The following RASGRF2 variants were observed in gnomAD, a reference collection of about 807,000 sequenced individuals.
The protein encoded by RASGRF2 is Ras protein specific guanine nucleotide releasing factor 2.
In RASGRF2, 76 loss-of-function variants were observed where a neutral mutation model predicts 151.0. The observed-to-expected ratio is 0.50, with a 90% CI of 0.42 to 0.61. The LOEUF (loss-of-function observed/expected upper bound fraction) is 0.61. RASGRF2 is among the 20% of genes least tolerant of loss of function. The pLI is 0.00. For missense variants in RASGRF2, 1,148 were observed against 1,564.6 expected, an observed-to-expected ratio of 0.73 and a Z score of 4.49; for synonymous variants, 504 against 566.5, an observed-to-expected ratio of 0.89 and a Z score of 1.57.
intron 17 of RASGRF2, among the ~76,000 whole-genome samples, chr5:81,177,806 A>G (rs1262008305): frequency 6.6e-6 from 1 of 152,288 alleles, no homozygotes; most frequent in African/African-American, 2.4e-5. Context: ...GCTTTCACTA[A>G]GTGAAAAGAG....
intron 2 of RASGRF2, among the ~76,000 whole-genome samples, chr5:81,056,675 G>C (rs557933284): frequency 1.3e-5 from 2 of 152,238 alleles, no homozygotes; most frequent in South Asian, 4.1e-4. Context: ...TCAATTCCTG[G>C]ATATCCTTGT....
At chr5:81,057,256 C>T (rs537587634) in intron 2 of RASGRF2, among the ~76,000 whole-genome samples, 12 of 152,250 alleles carry the variant, frequency 7.9e-5, no homozygotes, top group South Asian at 6.2e-4. Context: ...CATGTTTTTG[C>T]GGTGGCTGGT....
At chr5:81,085,940 G>A in intron 8 of RASGRF2, 29 bp downstream of exon 8, 1 of 1,613,664 alleles carries the variant, frequency 6.2e-7, no homozygotes, top group Non-Finnish European at 8.5e-7. Flanking sequence ...ACAAAGGCTT[G>A]GGAGAGGAAA....
At position 80,961,035 on chromosome 5, in the gene RASGRF2, C is replaced by A; in HGVS notation, c.288+9C>A. The A allele has an allele frequency of 1.4e-6, 2 of 1,449,326 alleles. No homozygotes were observed. Among genetic ancestry groups the A allele is most frequent in the Non-Finnish European group, 1.8e-6 (2 of 1,095,630 alleles). 89.8% of individuals were successfully genotyped at this position (1,449,326 alleles called of 1,614,324 possible). A position where few individuals can be genotyped will look rare whatever the true frequency, so the allele number is the denominator to read the frequency against. On this transcript the variant is annotated intron_variant, in intron 1 of 26. Transcript: ENST00000265080. ...ACGCGCTGGACAAGCAGGTACCGCG[C>A]GCCTTCTCTCCGCGGTCTCCCAGCC...
chr5:81,005,113 A>G (rs751249149), intron 1 of RASGRF2, among the ~76,000 whole-genome samples: 7 of 152,284 alleles, frequency 4.6e-5, no homozygotes, highest in Non-Finnish European at 8.8e-5. Flanking sequence ...GGAATCATAC[A>G]TTATACCGTC....
At chr5:81,032,896 C>T (rs893641162) in intron 1 of RASGRF2, among the ~76,000 whole-genome samples, 3 of 152,142 alleles carry the variant, frequency 2.0e-5, no homozygotes, top group Admixed American at 2.0e-4. Context: ...ATTTAGAAAA[C>T]CCCATCATCT....
chr5:81,070,725 T>C lies in RASGRF2; in HGVS notation c.633+144T>C, dbSNP rs528556761. 2.6e-5 allele frequency: 17 copies of C among 642,596 alleles called. No individual in the cohort carries two copies. The East Asian group carries it at 4.8e-4, about 18-fold the overall frequency. 39.8% of individuals were successfully genotyped at this position (642,596 alleles called of 1,614,324 possible). ...CTCCCAGACTTGCCCTGCAGAGTGATCCAGACATGGCTACTCTAGAGAATT... is the reference window on the plus strand; with the variant it reads ...CTCCCAGACTTGCCCTGCAGAGTGACCCAGACATGGCTACTCTAGAGAATT... On this transcript the variant is annotated intron_variant, in intron 4 of 26. Transcript: ENST00000265080.
intron 18 of RASGRF2, among the ~76,000 whole-genome samples, chr5:81,192,850 ACT>A (rs137923725): frequency 0.015 from 2,218 of 152,126 alleles, 54 homozygotes; most frequent in African/African-American, 0.051. Context: ...GTCTAAACTA[ACT>A]CTACACCACA....
At chr5:81,095,771 G>T (rs1752531301) in intron 12 of RASGRF2, among the ~76,000 whole-genome samples, 2 of 152,248 alleles carry the variant, frequency 1.3e-5, no homozygotes, top group South Asian at 4.2e-4. Context: ...AGAGCTTATA[G>T]TAATTTATAT....
intron 4 of RASGRF2, among the ~76,000 whole-genome samples, chr5:81,072,598 T>G (rs1293400313): frequency 6.6e-6 from 1 of 152,232 alleles, no homozygotes; most frequent in Non-Finnish European, 1.5e-5. Context: ...TTATAATTTT[T>G]TATATTTAGA....
At chr5:81,144,459 G>C (rs1451073562) in intron 17 of RASGRF2, among the ~76,000 whole-genome samples, 1 of 152,200 alleles carries the variant, frequency 6.6e-6, no homozygotes, top group African/African-American at 2.4e-5. Context: ...CACAAGTGCT[G>C]GGAAGACATA....
intron 1 of RASGRF2, among the ~76,000 whole-genome samples, chr5:81,023,942 T>C (rs1749919401): frequency 6.6e-6 from 1 of 152,258 alleles, no homozygotes; most frequent in Admixed American, 6.5e-5. Context: ...TAAGTGGAGA[T>C]TTATTGAATA....
At chr5:81,198,999 G>T (rs1200139720) in intron 18 of RASGRF2, among the ~76,000 whole-genome samples, 2 of 152,160 alleles carry the variant, frequency 1.3e-5, no homozygotes, top group Non-Finnish European at 2.9e-5. Flanking sequence ...TTTCCACAGG[G>T]ACTGAACTAA....
At chr5:81,057,928 C>T (rs560226133) in intron 2 of RASGRF2, among the ~76,000 whole-genome samples, 2 of 151,910 alleles carry the variant, frequency 1.3e-5, no homozygotes, top group Admixed American at 1.3e-4. Flanking sequence ...CCCAGGAGGT[C>T]GAGGCTGCAG....
intron 2 of RASGRF2, among the ~76,000 whole-genome samples, chr5:81,051,358 A>C (rs1751004153): frequency 6.6e-6 from 1 of 152,228 alleles, no homozygotes; most frequent in Non-Finnish European, 1.5e-5. Context: ...CATGAAGTTT[A>C]TCATTTTAAA....
chr5:81,006,959 C>T (rs1469525729), intron 1 of RASGRF2, among the ~76,000 whole-genome samples: 1 of 152,164 alleles, frequency 6.6e-6, no homozygotes, highest in African/African-American at 2.4e-5. Context: ...GAGTCCATGG[C>T]ATTCTCCTAA....
At chr5:81,052,436 C>A (rs779377730) in intron 2 of RASGRF2, among the ~76,000 whole-genome samples, 4 of 152,118 alleles carry the variant, frequency 2.6e-5, no homozygotes, top group Non-Finnish European at 4.4e-5. Context: ...TGACTGTGAA[C>A]AGGAAAGAAG....
At chr5:81,118,162 G>A (rs1003526759) in intron 15 of RASGRF2, among the ~76,000 whole-genome samples, 5 of 152,208 alleles carry the variant, frequency 3.3e-5, no homozygotes, top group Non-Finnish European at 5.9e-5. Flanking sequence ...TTGCCCCAGT[G>A]AGGACTCTCT....
At chr5:81,185,949 G>A (rs1402871358) in intron 18 of RASGRF2, among the ~76,000 whole-genome samples, 1 of 152,172 alleles carries the variant, frequency 6.6e-6, no homozygotes, top group Non-Finnish European at 1.5e-5. Flanking sequence ...GCTATCAACT[G>A]GTTTACTGGG....
Sources: allele counts gnomAD v4.1 joint callset (sites outside exome capture counted in the v4.1 genomes callset), GRCh38; gene constraint gnomAD v4.1.1; transcripts MANE v1.5; gene names NCBI Gene and HGNC (gene_info 2026-07-23, HGNC 2026-07-21).